Variants in FNBP1 observed in about 807,000 individuals in gnomAD.
The protein encoded by FNBP1 is formin-binding protein 1.
FNBP1 carries 26 observed loss-of-function variants against 90.6 expected under a neutral mutation model. The observed-to-expected ratio is 0.29, with a 90% CI of 0.21 to 0.40. FNBP1 has a LOEUF of 0.40. FNBP1 is among the 10% of genes least tolerant of loss of function. FNBP1 has a pLI of 1.00. For missense variants in FNBP1, 635 were observed against 768.0 expected (o/e 0.83, Z 2.05); for synonymous variants, 260 against 265.2 (o/e 0.98, Z 0.19).
At chr9:130,013,825 G>C (rs143938645) in intron 1 of FNBP1, 10 of 442,934 alleles carry the variant, frequency 2.3e-5, no homozygotes, top group Non-Finnish European at 4.5e-5. Flanking sequence ...GTTATTTCAA[G>C]AGTGGGCTTG....
chr9:129,889,831 C>T lies in FNBP1; in HGVS notation c.*708G>A. On this transcript the variant is annotated 3_prime_UTR_variant, in exon 17 of 17. Coordinates refer to ENST00000446176, the MANE Select transcript of FNBP1 (RefSeq NM_015033.3). ...GACTTCCAGTGTGGACCTCCCCAGG[C>T]CACTGAAAACAGGGCGTCAAACCAA... 4.3e-6 allele frequency: 1 copy of T among 233,064 alleles called. No homozygotes were observed. The highest frequency in any genetic ancestry group is 6.0e-5 in the East Asian group (1 of 16,556). 14.4% of individuals were successfully genotyped at this position (233,064 alleles called of 1,614,324 possible).
At chr9:129,977,185 C>A (rs1348547503) in intron 4 of FNBP1, among the ~76,000 whole-genome samples, 1 of 151,910 alleles carries the variant, frequency 6.6e-6, no homozygotes, top group Non-Finnish European at 1.5e-5. Flanking sequence ...TTATCACTGG[C>A]CAACGTGATT....
chr9:129,992,025 G>C (rs1453015659), intron 2 of FNBP1, among the ~76,000 whole-genome samples: 1 of 152,144 alleles, frequency 6.6e-6, no homozygotes, highest in Non-Finnish European at 1.5e-5. Flanking sequence ...AGAGAGGTCT[G>C]GCTTAGAGAT....
the FNBP1 span, among the ~76,000 whole-genome samples, chr9:130,050,328 T>C: frequency 6.6e-6 from 1 of 152,270 alleles, no homozygotes; most frequent in African/African-American, 2.4e-5. Context: ...AGACTGCCTG[T>C]CCTGTGGCTG....
At chr9:130,013,375 G>C (rs2056862200) in intron 1 of FNBP1, among the ~76,000 whole-genome samples, 1 of 152,150 alleles carries the variant, frequency 6.6e-6, no homozygotes, top group Non-Finnish European at 1.5e-5. Context: ...AGCTTAATTA[G>C]TAATCAGGGA....
At chr9:130,012,067 G>C (rs1189077823) in intron 1 of FNBP1, among the ~76,000 whole-genome samples, 1 of 152,164 alleles carries the variant, frequency 6.6e-6, no homozygotes, top group Non-Finnish European at 1.5e-5. Context: ...CAAATACAAA[G>C]AATTGAAAGG....
At chr9:129,963,434 T>C (rs2048120277) in intron 4 of FNBP1, among the ~76,000 whole-genome samples, 2 of 152,076 alleles carry the variant, frequency 1.3e-5, no homozygotes, top group African/African-American at 4.8e-5. Flanking sequence ...ATAATAAATA[T>C]GCATTTGTGT....
intron 1 of FNBP1, among the ~76,000 whole-genome samples, chr9:130,021,654 A>G (rs2057836888): frequency 6.6e-6 from 1 of 152,202 alleles, no homozygotes; most frequent in Admixed American, 6.5e-5. Context: ...AACAGGGAGT[A>G]AGTACACAGA....
chr9:129,899,192 C>A (rs1018331056), intron 15 of FNBP1, among the ~76,000 whole-genome samples: 2 of 151,864 alleles, frequency 1.3e-5, no homozygotes, highest in Non-Finnish European at 2.9e-5. Context: ...ATTCTCGTGC[C>A]TCAGCCTCCC....
intron 1 of FNBP1, among the ~76,000 whole-genome samples, chr9:130,019,250 G>A (rs969178397): frequency 1.3e-5 from 2 of 148,824 alleles, no homozygotes; most frequent in African/African-American, 5.0e-5. Flanking sequence ...GCAGTGAGCC[G>A]AGATCGCGCC....
intron 6 of FNBP1, among the ~76,000 whole-genome samples, chr9:129,938,185 A>T (rs1354634010): frequency 3.3e-5 from 5 of 152,136 alleles, no homozygotes; most frequent in Admixed American, 1.3e-4. Context: ...AAATTAATTA[A>T]TTTTTTAAAA....
chr9:129,911,910 C>T (rs1177689577), intron 11 of FNBP1, among the ~76,000 whole-genome samples: 4 of 139,200 alleles, frequency 2.9e-5, no homozygotes, highest in African/African-American at 1.1e-4. Flanking sequence ...CCAGCCTGGG[C>T]GACGGGCGAG....
intron 8 of FNBP1, 29 bp downstream of exon 8, chr9:129,927,166 A>G: frequency 2.5e-6 from 4 of 1,610,138 alleles, no homozygotes; most frequent in Non-Finnish European, 3.4e-6. Context: ...GCAAATAGTT[A>G]TCAATGAAGT....
chr9:129,949,934 T>C (rs902489620), intron 6 of FNBP1, among the ~76,000 whole-genome samples: 5 of 152,168 alleles, frequency 3.3e-5, no homozygotes, highest in African/African-American at 9.6e-5. Context: ...AATAAGGCTT[T>C]TGTAAGCACA....
intron 15 of FNBP1, among the ~76,000 whole-genome samples, chr9:129,899,603 C>T (rs1437505247): frequency 6.6e-6 from 1 of 151,990 alleles, no homozygotes; most frequent in African/African-American, 2.4e-5. Flanking sequence ...GTGGTGCTTG[C>T]CTGTAGTCCC....
chr9:129,922,611 T>A (rs2041274145), intron 10 of FNBP1, among the ~76,000 whole-genome samples: 1 of 152,170 alleles, frequency 6.6e-6, no homozygotes, highest in African/African-American at 2.4e-5. Flanking sequence ...TCAGTAAGTG[T>A]CAGCTGCTTT....
chr9:130,015,020 T>C (rs1025884831), intron 1 of FNBP1, among the ~76,000 whole-genome samples: 1 of 147,766 alleles, frequency 6.8e-6, no homozygotes, highest in East Asian at 2.0e-4. Context: ...AGGCCAAAAA[T>C]ATTTTTCATA....
At chr9:129,979,938 C>T (rs375266637) in intron 2 of FNBP1, among the ~76,000 whole-genome samples, 8 of 151,470 alleles carry the variant, frequency 5.3e-5, no homozygotes, top group African/African-American at 1.5e-4. Flanking sequence ...CCACGGTGCC[C>T]GGCTGTGCAG....
chr9:130,020,263 T>C (rs951367968), intron 1 of FNBP1, among the ~76,000 whole-genome samples: 3 of 152,184 alleles, frequency 2.0e-5, no homozygotes, highest in Admixed American at 1.3e-4. Flanking sequence ...GCTGGAGTGC[T>C]GTAGCGCGAC....
Sources: allele counts gnomAD v4.1 joint callset (sites outside exome capture counted in the v4.1 genomes callset), GRCh38; gene constraint gnomAD v4.1.1; transcripts MANE v1.5; gene names NCBI Gene and HGNC (gene_info 2026-07-23, HGNC 2026-07-21).